Variants in FAM135A observed in about 807,000 individuals in gnomAD.
FAM135A encodes the protein protein FAM135A.
In FAM135A, 79 loss-of-function variants were observed where a neutral mutation model predicts 146.8. The observed-to-expected ratio is 0.54, with a 90% CI of 0.45 to 0.65. The LOEUF (loss-of-function observed/expected upper bound fraction) is 0.65. FAM135A is among the 30% of genes least tolerant of loss of function. The pLI, the probability that FAM135A is intolerant of heterozygous loss-of-function variation, is 0.00. For synonymous variants in FAM135A, 562 were observed against 603.6 expected (o/e 0.93, Z 1.01); for missense variants, 1,623 against 1,758.2 (o/e 0.92, Z 1.38).
Position 70,536,240 on chromosome 6 carries a change from A to ATT in FAM135A, c.3966-12_3966-11dup. On this transcript the variant is annotated intron_variant, in intron 18 of 21. Coordinates refer to ENST00000418814, the MANE Select transcript of FAM135A (RefSeq NM_001162529.3). Reference sequence around the variant, plus strand: ...TAAAACTAATGCTGTGAGAAAATTAATTTTTTTTTCCTCTTAAAGCTTTAT... The same window carrying ATT: ...TAAAACTAATGCTGTGAGAAAATTAATTTTTTTTTTTCCTCTTAAAGCTTTAT... The ATT allele has an allele frequency of 6.3e-7, 1 of 1,575,354 alleles. No individual in the cohort carries two copies. The highest frequency in any genetic ancestry group is 8.6e-7 in the Non-Finnish European group (1 of 1,162,220).
intron 4 of FAM135A, among the ~76,000 whole-genome samples, chr6:70,447,214 G>C (rs1775958757): frequency 6.6e-6 from 1 of 152,166 alleles, no homozygotes; most frequent in East Asian, 1.9e-4. Context: ...TCAGTAATTT[G>C]ATTTACCCAG....
intron 5 of FAM135A, among the ~76,000 whole-genome samples, chr6:70,457,688 G>C (rs1319216598): frequency 6.6e-6 from 1 of 152,092 alleles, no homozygotes. Flanking sequence ...CTAAATACTG[G>C]TTGGAAAGGA....
intron 20 of FAM135A, among the ~76,000 whole-genome samples, chr6:70,540,342 T>TC (rs1342165270): frequency 7.1e-6 from 1 of 141,826 alleles, no homozygotes; most frequent in Admixed American, 7.0e-5. Context: ...TTTTTTTTTT[T>TC]GAGACGGAGT....
chr6:70,493,809 T>A (rs1286374291), intron 11 of FAM135A, among the ~76,000 whole-genome samples: 1 of 152,128 alleles, frequency 6.6e-6, no homozygotes, highest in African/African-American at 2.4e-5. Context: ...TCCCAGCACT[T>A]TGGGAAGCCG....
At chr6:70,538,800 G>GTTATATTATATTATATTATATTATA (rs1272344414) in intron 20 of FAM135A, among the ~76,000 whole-genome samples, 1 of 124,046 alleles carries the variant, frequency 8.1e-6, no homozygotes, top group Non-Finnish European at 1.7e-5. Flanking sequence ...TTCATATTAT[G>GTTATATTATATTATATTATATTATA]TTATGTTATA....
Position 70,539,920 on chromosome 6 carries a change from T to C in FAM135A, c.4228+1519T>C, listed in dbSNP as rs1352519008. On this transcript the variant is annotated intron_variant, in intron 20 of 21. Transcript: ENST00000418814. Reference sequence around the variant, plus strand: ...CTGAGGCAGGAGAATGGCGTGAACCTGGGAGGCGGAGCTTGCAGTGAGCCG... The same window carrying C: ...CTGAGGCAGGAGAATGGCGTGAACCCGGGAGGCGGAGCTTGCAGTGAGCCG... Among the ~76,000 whole-genome samples the C allele has an allele frequency of 2.6e-5, 4 of 152,138 alleles. No individual in the cohort carries two copies. The East Asian group carries it at 5.8e-4, about 22-fold the overall frequency.
intron 4 of FAM135A, among the ~76,000 whole-genome samples, chr6:70,444,277 C>G (rs1347268678): frequency 6.6e-6 from 1 of 152,118 alleles, no homozygotes; most frequent in Non-Finnish European, 1.5e-5. Flanking sequence ...GTGGCACACG[C>G]CTGTAATCCC....
intron 20 of FAM135A, among the ~76,000 whole-genome samples, chr6:70,541,949 CTCT>C (rs1396329130): frequency 1.3e-5 from 2 of 152,174 alleles, no homozygotes; most frequent in African/African-American, 4.8e-5. Context: ...ATGGATGCTT[CTCT>C]TCTTCTTTGC....
intron 19 of FAM135A, among the ~76,000 whole-genome samples, chr6:70,538,056 A>G (rs932793502): frequency 6.6e-6 from 1 of 152,260 alleles, no homozygotes; most frequent in Non-Finnish European, 1.5e-5. Context: ...TGAATGAAAT[A>G]GAAATAGCAA....
rs1264997646 is a variant in FAM135A at position 70,524,362 on chromosome 6, G to A, written c.1278G>A (p.Met426Ile). 21 of 1,491,728 alleles carry A rather than the reference G, an allele frequency of 1.4e-5. No homozygotes were observed. The highest frequency in any genetic ancestry group is 1.8e-5 in the Non-Finnish European group (20 of 1,126,122). The allele number at this position is 1,491,728 out of a possible 1,614,324, so 92.4% of individuals were successfully genotyped here. A position where few individuals can be genotyped will look rare whatever the true frequency, so the allele number is the denominator to read the frequency against. Reference sequence around the variant, plus strand: ...TAAAAGACTTAGATGCACCCTGGATGGGAATTCAGAATCTTCAGAGATCAG... The same window carrying A: ...TAAAAGACTTAGATGCACCCTGGATAGGAATTCAGAATCTTCAGAGATCAG... The part of the protein sequence containing the change: ...SVTEDLDAPW[M>I]GIQNLQRSES... Residue 426 changes from methionine (M) to isoleucine (I), a missense_variant, in exon 15 of 22, where the codon ATG becomes ATA. Physicochemically the swap from Met to Ile is conservative, Grantham distance 10. This residue lies in a region of FAM135A where 1,061 missense variants were observed against 1,113.8 expected (regional missense o/e 0.95). Transcript: ENST00000418814.
chr6:70,547,424 T>C (rs993861814), intron 20 of FAM135A, among the ~76,000 whole-genome samples: 5 of 152,206 alleles, frequency 3.3e-5, no homozygotes, highest in Non-Finnish European at 4.4e-5. Flanking sequence ...TTCAGCACTA[T>C]TGATATTCTG....
intron 12 of FAM135A, among the ~76,000 whole-genome samples, chr6:70,517,866 C>A (rs1792651372): frequency 6.6e-6 from 1 of 152,204 alleles, no homozygotes; most frequent in Admixed American, 6.5e-5. Context: ...CTGACTGTTT[C>A]ACCAACTAGC....
intron 15 of FAM135A, 30 bp from the exon 16 acceptor site, chr6:70,528,262 G>A (rs755877573): frequency 7.0e-6 from 11 of 1,578,202 alleles, no homozygotes; most frequent in African/African-American, 1.4e-5. Flanking sequence ...ATGATCCTTA[G>A]TAAAGAGTAT....
At position 70,434,846 on chromosome 6, in the gene FAM135A, G is replaced by A. The variant is rs561975873; in HGVS notation, c.77+6427G>A. The stretch of plus-strand genomic sequence containing the variant: ...TACTACTAATAAATTAAGTAGTGAG[G>A]AAAATATTGTTGGAGTCAGAAGTTG... On this transcript the variant is annotated intron_variant, in intron 4 of 21. Coordinates refer to ENST00000418814, the MANE Select transcript of FAM135A (RefSeq NM_001162529.3). Among the ~76,000 whole-genome samples the A allele has an allele frequency of 1.4e-4, 21 of 152,130 alleles. No homozygotes were observed. In the South Asian group the frequency reaches 4.4e-3, roughly 32 times the overall value.
At chr6:70,482,293 CT>C in intron 10 of FAM135A, 139 bp downstream of exon 10, 1 of 758,170 alleles carries the variant, frequency 1.3e-6, no homozygotes, top group Non-Finnish European at 1.9e-6. Flanking sequence ...TCAATTCCAT[CT>C]TTTTCTACCT....
In FAM135A at chr6:70,525,300, C is replaced by G; in HGVS notation, c.2216C>G (p.Pro739Arg). 6.2e-7 allele frequency: 1 copy of G among 1,608,542 alleles called. No individual in the cohort carries two copies. The highest frequency in any genetic ancestry group is 1.1e-5 in the South Asian group (1 of 89,720). Residue 739 changes from proline to arginine, a missense_variant, in exon 15 of 22, where the codon CCT becomes CGT. Physicochemically the swap from Pro to Arg is moderately radical, Grantham distance 103. Transcript: ENST00000418814. ...AAATTACGAAGTAATCTACCTGCCC[C>G]TTCTACAAAAGAATATCATGTTGTA... ...LTKLRSNLPA[P>R]STKEYHVVVS...
At chr6:70,491,735 A>G (rs1035017064) in intron 11 of FAM135A, among the ~76,000 whole-genome samples, 3 of 151,894 alleles carry the variant, frequency 2.0e-5, no homozygotes, top group Non-Finnish European at 4.4e-5. Context: ...TCAGTTTTGT[A>G]TACTGTCCTA....
At chr6:70,549,821 T>G (rs1242881127) in intron 20 of FAM135A, among the ~76,000 whole-genome samples, 2 of 152,222 alleles carry the variant, frequency 1.3e-5, no homozygotes, top group African/African-American at 4.8e-5. Flanking sequence ...CTGTAGCATA[T>G]GATGCTGTTT....
At chr6:70,423,920 A>C (rs936359293) in intron 2 of FAM135A, among the ~76,000 whole-genome samples, 12 of 152,020 alleles carry the variant, frequency 7.9e-5, no homozygotes, top group African/African-American at 2.7e-4. Flanking sequence ...ACAGTTATCT[A>C]CTCCTCCTCC....
Sources: gnomAD v4.1 joint callset for allele counts (sites outside exome capture counted in the v4.1 genomes callset) on GRCh38, gnomAD v4.1.1 for gene constraint, gnomAD v4.1.1 regional missense constraint, MANE v1.5 for transcripts, NCBI Gene and HGNC (gene_info 2026-07-23, HGNC 2026-07-21) for gene names.